The following MAPK10 variants were observed in gnomAD, a reference collection of about 807,000 sequenced individuals.
MAPK10 encodes the protein mitogen-activated protein kinase 10, also known as JNK3 alpha protein kinase.
A neutral mutation model predicts 59.3 loss-of-function variants in MAPK10; 25 were observed. That is an observed-to-expected ratio of 0.42 (90% CI 0.31 to 0.59). MAPK10 has a LOEUF of 0.59. Among genes scored for constraint, MAPK10 ranks in the 20% least tolerant of loss-of-function variants. The probability of loss-of-function intolerance (pLI) is 0.15; values close to 1 mark genes in which losing one functional copy is unlikely to be tolerated. For missense variants in MAPK10, 351 were observed against 568.9 expected, an observed-to-expected ratio of 0.62 and a Z score of 3.90; for synonymous variants, 190 against 200.5, an observed-to-expected ratio of 0.95 and a Z score of 0.44.
At chr4:86,330,243 C>A (rs1332074121) in intron 2 of MAPK10, among the ~76,000 whole-genome samples, 1 of 152,102 alleles carries the variant, frequency 6.6e-6, no homozygotes, top group East Asian at 1.9e-4. Flanking sequence ...AGTTCAGAAG[C>A]CTGCTAGTTT....
At chr4:86,376,040 T>A (rs1290725706) in intron 1 of MAPK10, among the ~76,000 whole-genome samples, 1 of 152,230 alleles carries the variant, frequency 6.6e-6, no homozygotes, top group Non-Finnish European at 1.5e-5. Context: ...CATTAAATAT[T>A]ATTCACACTC....
intron 1 of MAPK10, among the ~76,000 whole-genome samples, chr4:86,537,092 A>T (rs1247007592): frequency 7.9e-5 from 12 of 152,180 alleles, no homozygotes. Context: ...TGAAGAGGGA[A>T]TACACACAAT....
chr4:86,261,060 T>G (rs114297150), intron 2 of MAPK10, among the ~76,000 whole-genome samples: 579 of 152,296 alleles, frequency 3.8e-3, no homozygotes, highest in Non-Finnish European at 6.8e-3. Context: ...TTGACACATA[T>G]TTCAATGGCT....
At chr4:86,057,770 A>G (rs1255085960) in intron 11 of MAPK10, among the ~76,000 whole-genome samples, 1 of 150,168 alleles carries the variant, frequency 6.7e-6, no homozygotes, top group Non-Finnish European at 1.5e-5. Context: ...AAAAGAGAAA[A>G]GGGTAAGAAG....
At chr4:86,435,853 A>G (rs1034911595) in intron 1 of MAPK10, among the ~76,000 whole-genome samples, 42 of 152,224 alleles carry the variant, frequency 2.8e-4, no homozygotes, top group Non-Finnish European at 2.9e-5. Flanking sequence ...AATTCAGCTA[A>G]TATTAGAAAC....
rs1479244336 is a variant in MAPK10, at chr4:86,135,870, G to A, written c.236+23428C>T. Among the ~76,000 whole-genome samples the A allele has an allele frequency of 7.9e-5, 12 of 152,268 alleles. No individual in the cohort carries two copies. The South Asian group carries it at 1.9e-3, about 24-fold the overall frequency. ...CTGATGGAGCTGAAAACCAAGGCTC[G>A]AGAACTACATGAAGAATGCAGAAGC... On this transcript the variant is annotated intron_variant, in intron 4 of 13. Coordinates refer to ENST00000641462, the MANE Select transcript of MAPK10 (RefSeq NM_138982.4).
At chr4:86,540,398 G>A (rs1244464798) in intron 1 of MAPK10, among the ~76,000 whole-genome samples, 1 of 152,196 alleles carries the variant, frequency 6.6e-6, no homozygotes, top group Non-Finnish European at 1.5e-5. Flanking sequence ...TACTCAGGGG[G>A]CTGAGGTGGA....
intron 1 of MAPK10, among the ~76,000 whole-genome samples, chr4:86,512,969 C>G (rs964809215): frequency 6.6e-6 from 1 of 152,054 alleles, no homozygotes; most frequent in East Asian, 1.9e-4. Flanking sequence ...TAATGCCCAC[C>G]TTTTTCACTT....
chr4:86,165,267 A>T (rs969768242), intron 3 of MAPK10, among the ~76,000 whole-genome samples: 2 of 152,200 alleles, frequency 1.3e-5, no homozygotes, highest in East Asian at 1.9e-4. Flanking sequence ...ATACCACTCC[A>T]ACATTGTTGT....
In MAPK10 at chr4:86,056,913, TAGTC is replaced by T. The variant is rs1422920343; in HGVS notation, c.1110+7349_1110+7352del. Among the ~76,000 whole-genome samples the T allele has an allele frequency of 3.4e-5, 5 of 149,032 alleles. 1 individual carries two copies. The highest frequency in any genetic ancestry group is 1.3e-4 in the Admixed American group (2 of 15,068). ...ATCTATGCATTTGGGTAACCAAACT[TAGTC>T]AGCTTGGTCAGGACTTTTTTGTTTA... On this transcript the variant is annotated intron_variant, in intron 11 of 13. Coordinates refer to ENST00000641462, the MANE Select transcript of MAPK10 (RefSeq NM_138982.4).
chr4:86,136,064 G>A (rs2062005384), intron 4 of MAPK10, among the ~76,000 whole-genome samples: 1 of 152,212 alleles, frequency 6.6e-6, no homozygotes, highest in Admixed American at 6.5e-5. Context: ...TCTGATTGGT[G>A]TACCTGAAAG....
chr4:86,480,886 T>C (rs114148689), intron 1 of MAPK10, among the ~76,000 whole-genome samples: 316 of 152,270 alleles, frequency 2.1e-3, no homozygotes, highest in African/African-American at 7.4e-3. Context: ...ATGCTTAGAT[T>C]TGATAAAGAA....
chr4:86,295,212 T>G (rs2095328303), intron 2 of MAPK10, among the ~76,000 whole-genome samples: 1 of 152,184 alleles, frequency 6.6e-6, no homozygotes. Flanking sequence ...ACGGTGTTTG[T>G]TGTTTAACCC....
intron 2 of MAPK10, among the ~76,000 whole-genome samples, chr4:86,267,926 C>T (rs1376094619): frequency 6.6e-6 from 1 of 152,164 alleles, no homozygotes; most frequent in African/African-American, 2.4e-5. Context: ...TTACTTGGCT[C>T]GCTCTATTAC....
At chr4:86,529,443 C>T (rs1430498804) in intron 1 of MAPK10, among the ~76,000 whole-genome samples, 1 of 152,160 alleles carries the variant, frequency 6.6e-6, no homozygotes, top group African/African-American at 2.4e-5. Flanking sequence ...CCCACTCATG[C>T]CTTCTCCACT....
chr4:86,449,418 G>A (rs1414893408), intron 1 of MAPK10, among the ~76,000 whole-genome samples: 2 of 152,140 alleles, frequency 1.3e-5, no homozygotes, highest in African/African-American at 4.8e-5. Context: ...CTTTATTTAA[G>A]ACCACCAATG....
At chr4:86,289,602 AATAAT>A (rs1234295010) in intron 2 of MAPK10, among the ~76,000 whole-genome samples, 32 of 149,946 alleles carry the variant, frequency 2.1e-4, no homozygotes. Context: ...TATGTTATAT[AATAAT>A]ATATTATGTT....
chr4:86,372,564 G>GAAAGAAAGAAAGAAAGAAAGAAAGA, intron 1 of MAPK10, among the ~76,000 whole-genome samples: 86 of 78,642 alleles, frequency 1.1e-3, no homozygotes, highest in Non-Finnish European at 1.4e-3. Flanking sequence ...AAGAAAGAAA[G>GAAAGAAAGAAAGAAAGAAAGAAAGA]AAAGAAAAGA....
intron 1 of MAPK10, among the ~76,000 whole-genome samples, chr4:86,571,497 C>T (rs892463002): frequency 1.3e-5 from 2 of 151,782 alleles, no homozygotes; most frequent in African/African-American, 4.8e-5. Context: ...GATAAAATAA[C>T]AACAGTGAGA....
Sources: allele counts gnomAD v4.1 joint callset (sites outside exome capture counted in the v4.1 genomes callset), GRCh38; gene constraint gnomAD v4.1.1; transcripts MANE v1.5; gene names NCBI Gene and HGNC (gene_info 2026-07-23, HGNC 2026-07-21).